HS6ST3: variants seen among roughly 807,000 people sequenced by gnomAD.
HS6ST3 encodes heparan-sulfate 6-O-sulfotransferase 3.
A neutral mutation model predicts 36.7 loss-of-function variants in HS6ST3; 12 were observed. The observed-to-expected ratio is 0.33, with a 90% CI of 0.21 to 0.53. The LOEUF (loss-of-function observed/expected upper bound fraction) is 0.53, where lower values mean the gene tolerates loss of function less well. Ranked by LOEUF, HS6ST3 falls within the 20% of genes least tolerant of loss-of-function variation. HS6ST3 has a pLI of 0.95. For missense variants in HS6ST3, 584 were observed against 640.9 expected (o/e 0.91, Z 0.96); for synonymous variants, 240 against 257.5 (o/e 0.93, Z 0.65).
chr13:96,273,257 A>G (rs1186094973), intron 1 of HS6ST3, among the ~76,000 whole-genome samples: 2 of 151,954 alleles, frequency 1.3e-5, no homozygotes, highest in Admixed American at 1.3e-4. Flanking sequence ...CCAATGAATC[A>G]TTGATAAAAA....
chr13:96,776,350 AC>A (rs1877386742), intron 1 of HS6ST3, among the ~76,000 whole-genome samples: 1 of 152,020 alleles, frequency 6.6e-6, no homozygotes, highest in African/African-American at 2.4e-5. Context: ...CAGAGCAGAA[AC>A]AAAGGAGATA....
At chr13:96,511,959 C>G (rs1325504749) in intron 1 of HS6ST3, among the ~76,000 whole-genome samples, 1 of 152,144 alleles carries the variant, frequency 6.6e-6, no homozygotes, top group Non-Finnish European at 1.5e-5. Context: ...ATTTACTAGA[C>G]AGACTAATAT....
chr13:96,781,708 G>A (rs1445831449), intron 1 of HS6ST3, among the ~76,000 whole-genome samples: 1 of 152,174 alleles, frequency 6.6e-6, no homozygotes, highest in African/African-American at 2.4e-5. Context: ...AACAACTTAT[G>A]TTGTCTTTGG....
At chr13:96,800,153 A>C (rs1040649433) in intron 1 of HS6ST3, among the ~76,000 whole-genome samples, 2 of 150,680 alleles carry the variant, frequency 1.3e-5, no homozygotes, top group African/African-American at 4.9e-5. Flanking sequence ...TTTCAGATCA[A>C]ATATATAAGA....
intron 1 of HS6ST3, among the ~76,000 whole-genome samples, chr13:96,518,920 C>T (rs915639622): frequency 1.4e-4 from 22 of 152,118 alleles, no homozygotes; most frequent in Non-Finnish European, 2.6e-4. Context: ...TTTCTAAAAA[C>T]TACAGGTTTC....
chr13:96,685,050 G>C (rs1467228257), intron 1 of HS6ST3, among the ~76,000 whole-genome samples: 2 of 152,198 alleles, frequency 1.3e-5, no homozygotes, highest in South Asian at 4.1e-4. Flanking sequence ...CATAAATTGA[G>C]TATTCAGAAC....
chr13:96,560,878 A>C (rs183313865), intron 1 of HS6ST3, among the ~76,000 whole-genome samples: 2 of 152,310 alleles, frequency 1.3e-5, no homozygotes, highest in East Asian at 1.9e-4. Context: ...CTGATGAAAG[A>C]AATCATAGAT....
chr13:96,354,487 A>T lies in HS6ST3; in HGVS notation c.707+262918A>T, dbSNP rs376190669. The stretch of plus-strand genomic sequence containing the variant: ...ACTTTTATGATCATGTATCTATATT[A>T]CTTTTACAATACAAATTAATACCTA... On this transcript the variant is annotated intron_variant, in intron 1 of 1. Transcript: ENST00000376705. Among the ~76,000 whole-genome samples the T allele has an allele frequency of 1.1e-4, 17 of 152,260 alleles. No individual in the cohort carries two copies. The East Asian group carries it at 3.3e-3, about 29-fold the overall frequency.
rs34000071 is a variant in HS6ST3 at position 96,689,606 on chromosome 13, C to CTTTTTTTTTTTTTTT, written c.708-142882_708-142868dup. 4.7e-4 allele frequency among the ~76,000 whole-genome samples: 48 copies of CTTTTTTTTTTTTTTT among 101,178 alleles called. 1 individual carries two copies. Among genetic ancestry groups the CTTTTTTTTTTTTTTT allele is most frequent in the Non-Finnish European group, 5.8e-4 (31 of 53,500 alleles). 66.4% of individuals were successfully genotyped at this position (101,178 alleles called of 152,430 possible). ...TTTGTAGTTTTTGCTTTCTTTCTTT[C>CTTTTTTTTTTTTTTT]TTTTTTTTTTTTTTTTGGTGATTGT... is the stretch of plus-strand genomic sequence containing the variant. On this transcript the variant is annotated intron_variant, in intron 1 of 1. Transcript: ENST00000376705.
chr13:96,258,693 A>G (rs1199887122), intron 1 of HS6ST3, among the ~76,000 whole-genome samples: 2 of 152,158 alleles, frequency 1.3e-5, no homozygotes, highest in Non-Finnish European at 2.9e-5. Context: ...TATCCCCAAC[A>G]TCCAACAGTG....
intron 1 of HS6ST3, among the ~76,000 whole-genome samples, chr13:96,444,374 T>G (rs552510322): frequency 6.6e-6 from 1 of 152,314 alleles, no homozygotes; most frequent in Admixed American, 6.5e-5. Context: ...TATTTTGGAA[T>G]GGACCCTGAT....
chr13:96,590,829 A>G (rs1198516231), intron 1 of HS6ST3, among the ~76,000 whole-genome samples: 5 of 152,090 alleles, frequency 3.3e-5, no homozygotes, highest in Admixed American at 3.3e-4. Context: ...TTGAAGTCTC[A>G]TATTTAAGTC....
chr13:96,116,976 A>G (rs1594681991), intron 1 of HS6ST3, among the ~76,000 whole-genome samples: 2 of 152,216 alleles, frequency 1.3e-5, no homozygotes, highest in East Asian at 3.9e-4. Context: ...GTTGAGCTTT[A>G]TCATTGACTA....
intron 1 of HS6ST3, among the ~76,000 whole-genome samples, chr13:96,689,402 C>A (rs1043470509): frequency 8.6e-5 from 13 of 151,842 alleles, no homozygotes; most frequent in Non-Finnish European, 1.6e-4. Flanking sequence ...AGATATTGAT[C>A]TGTAGCAAAT....
At chr13:96,311,597 A>T (rs1045110291) in intron 1 of HS6ST3, among the ~76,000 whole-genome samples, 3 of 152,188 alleles carry the variant, frequency 2.0e-5, no homozygotes, top group Admixed American at 6.5e-5. Flanking sequence ...GAAAGCATCC[A>T]TACTCTGTCT....
At chr13:96,594,562 C>T (rs187919860) in intron 1 of HS6ST3, among the ~76,000 whole-genome samples, 7 of 152,176 alleles carry the variant, frequency 4.6e-5, no homozygotes, top group South Asian at 4.1e-4. Context: ...ATGAGAACTT[C>T]GATCACACTC....
intron 1 of HS6ST3, among the ~76,000 whole-genome samples, chr13:96,696,763 A>G (rs1267257249): frequency 1.3e-5 from 2 of 152,308 alleles, no homozygotes; most frequent in East Asian, 1.9e-4. Context: ...AAGAATTAGG[A>G]CAGCCAACAT....
chr13:96,284,914 T>TTGCTTGCTTG (rs1429214230), intron 1 of HS6ST3, among the ~76,000 whole-genome samples: 6 of 51,468 alleles, frequency 1.2e-4, no homozygotes, highest in African/African-American at 2.5e-4. Context: ...ATATTTGCTT[T>TTGCTTGCTTG]CTTTCTTTCT....
chr13:96,640,181 C>T (rs2056565415), intron 1 of HS6ST3, among the ~76,000 whole-genome samples: 1 of 151,986 alleles, frequency 6.6e-6, no homozygotes, highest in African/African-American at 2.4e-5. Context: ...TTTACATTCC[C>T]ATCAACAGCA....
Sources: allele counts gnomAD v4.1 joint callset (sites outside exome capture counted in the v4.1 genomes callset), GRCh38; gene constraint gnomAD v4.1.1; transcripts MANE v1.5; gene names NCBI Gene and HGNC (gene_info 2026-07-23, HGNC 2026-07-21).